DCAF4: variants seen among roughly 807,000 people sequenced by gnomAD.
DCAF4 encodes the protein DDB1 and CUL4 associated factor 4.
DCAF4 carries 37 observed loss-of-function variants against 60.9 expected under a neutral mutation model. That is an observed-to-expected ratio of 0.61 (90% CI 0.47 to 0.80). The LOEUF (loss-of-function observed/expected upper bound fraction) is 0.80. DCAF4 is among the 30% of genes least tolerant of loss of function. The probability of loss-of-function intolerance (pLI) is 0.00; values close to 1 mark genes in which losing one functional copy is unlikely to be tolerated. For missense variants in DCAF4, 577 were observed against 650.0 expected, an observed-to-expected ratio of 0.89 and a Z score of 1.22; for synonymous variants, 243 against 254.8, an observed-to-expected ratio of 0.95 and a Z score of 0.44.
chr14:72,955,131 G>A (rs902754210), intron 11 of DCAF4, among the ~76,000 whole-genome samples: 2 of 149,368 alleles, frequency 1.3e-5, no homozygotes, highest in Non-Finnish European at 3.0e-5. Flanking sequence ...AAAAATTGTG[G>A]TCATTACTAT....
At chr14:72,960,111 TCCTGCCAGTAC>T (rs138104369), downstream of DCAF4, among the ~76,000 whole-genome samples, 33,340 of 151,674 alleles carry the variant, frequency 0.22, 4,248 homozygotes, top group East Asian at 0.48. Flanking sequence ...CTTGAATGTT[TCCTGCCAGTAC>T]CCTGACTAAT....
chr14:72,937,157 AC>A (rs1796669814), intron 1 of DCAF4, among the ~76,000 whole-genome samples: 1 of 152,344 alleles, frequency 6.6e-6, no homozygotes, highest in East Asian at 1.9e-4. Flanking sequence ...TGGAACACTT[AC>A]AAATGAAAAA....
chr14:72,928,236 C>T (rs1229793978), intron 1 of DCAF4, among the ~76,000 whole-genome samples: 1 of 97,244 alleles, frequency 1.0e-5, no homozygotes, highest in Non-Finnish European at 1.9e-5. Flanking sequence ...TATTGTTGCC[C>T]AGGCTGGAGC....
intron 1 of DCAF4, among the ~76,000 whole-genome samples, chr14:72,931,362 G>T (rs1888560941): frequency 1.4e-5 from 2 of 145,620 alleles, no homozygotes; most frequent in Admixed American, 1.4e-4. Flanking sequence ...TTCATATTCA[G>T]GCTGTTCATT....
In DCAF4 at chr14:72,932,071, C is replaced by T. The variant is rs531294788; in HGVS notation, c.-9+5528C>T. Among the ~76,000 whole-genome samples, 5 of 151,624 alleles carry T rather than the reference C, an allele frequency of 3.3e-5. No individual in the cohort carries two copies. The South Asian group carries it at 1.0e-3, about 32-fold the overall frequency. ...TGGCATGATCTCGGCTCACTGCAAC[C>T]TCTGCCTCCCAGGTTCAAGCGATTC... On this transcript the variant is annotated intron_variant, in intron 1 of 13. Transcript: ENST00000358377.
chr14:72,955,350 A>G (rs1247395850), intron 11 of DCAF4, among the ~76,000 whole-genome samples, 173 bp from the exon 12 acceptor site: 2 of 152,030 alleles, frequency 1.3e-5, no homozygotes, highest in South Asian at 2.1e-4. Context: ...AGCCACTAAC[A>G]AGGAATCATC....
At chr14:72,954,286 C>G (rs1304512930) in intron 10 of DCAF4, 24 bp downstream of exon 10, 4 of 1,613,908 alleles carry the variant, frequency 2.5e-6, no homozygotes, top group Non-Finnish European at 3.4e-6. Context: ...CCCAGGTGCC[C>G]AGAGAAGAGG....
chr14:72,929,128 G>A (rs766634930), intron 1 of DCAF4, among the ~76,000 whole-genome samples: 49 of 151,668 alleles, frequency 3.2e-4, no homozygotes, highest in Non-Finnish European at 6.9e-4. Flanking sequence ...CCCCCACCCC[G>A]CCCGGCCTCC....
intron 1 of DCAF4, among the ~76,000 whole-genome samples, chr14:72,934,831 C>T (rs1297344021): frequency 2.0e-5 from 3 of 152,138 alleles, no homozygotes; most frequent in African/African-American, 7.2e-5. Flanking sequence ...ATGGAGTGGG[C>T]GCTTTGTAAA....
chr14:72,950,239 A>C (rs964353646), intron 8 of DCAF4, among the ~76,000 whole-genome samples: 6 of 152,266 alleles, frequency 3.9e-5, no homozygotes, highest in Middle Eastern at 6.8e-3. Context: ...TGCAAGACTA[A>C]GGGCGGTGGT....
intron 9 of DCAF4, 122 bp downstream of exon 9, chr14:72,951,999 C>A: frequency 2.0e-6 from 2 of 1,024,786 alleles, no homozygotes; most frequent in South Asian, 1.4e-5. Context: ...CTAAGCCTGT[C>A]CCAGGGTTAG....
intron 9 of DCAF4, among the ~76,000 whole-genome samples, chr14:72,953,304 T>C (rs1891687066): frequency 6.6e-6 from 1 of 152,106 alleles, no homozygotes; most frequent in Admixed American, 6.5e-5. Flanking sequence ...CTGGCATGGA[T>C]TGTTTTATTT....
intron 1 of DCAF4, among the ~76,000 whole-genome samples, chr14:72,934,078 C>T (rs186093533): frequency 6.6e-6 from 1 of 152,024 alleles, no homozygotes; most frequent in Non-Finnish European, 1.5e-5. Flanking sequence ...CTCATCCCCC[C>T]CATTTCTTGA....
chr14:72,961,894 C>T, downstream of DCAF4: 13 of 1,128,302 alleles, frequency 1.2e-5, no homozygotes, highest in South Asian at 3.4e-4. Flanking sequence ...TGATGTCAAA[C>T]TGGTCAGTGG....
At position 72,956,514 on chromosome 14, in the gene DCAF4, G is replaced by A; in HGVS notation, c.1294+14G>A. On this transcript the variant is annotated intron_variant, in intron 13 of 13. Coordinates refer to ENST00000358377, the MANE Select transcript of DCAF4 (RefSeq NM_015604.4). ...TCCTGGTGGCAGGTACTTGAGGAAG[G>A]AAGGGGAAGTTCCACCCCATCAAAT... is the stretch of plus-strand genomic sequence containing the variant. 6.2e-7 allele frequency: 1 copy of A among 1,602,332 alleles called. No individual in the cohort carries two copies. The highest frequency in any genetic ancestry group is 8.5e-7 in the Non-Finnish European group (1 of 1,174,132).
rs1262919314 is a variant in DCAF4, at chr14:72,941,402, G to A, written c.352-343G>A. ...GTAGGCAATGGAATGTAAAGTTCCAGCCCTGGGTCACCACGGGTGGAATGG... is the reference window on the plus strand; with the variant it reads ...GTAGGCAATGGAATGTAAAGTTCCAACCCTGGGTCACCACGGGTGGAATGG... On this transcript the variant is annotated intron_variant, in intron 4 of 13. Coordinates refer to ENST00000358377, the MANE Select transcript of DCAF4 (RefSeq NM_015604.4). 2.0e-5 allele frequency among the ~76,000 whole-genome samples: 3 copies of A among 152,238 alleles called. No homozygotes were observed. The East Asian group carries it at 5.8e-4, about 29-fold the overall frequency.
chr14:72,937,154 C>G (rs1889383057), intron 1 of DCAF4, among the ~76,000 whole-genome samples: 1 of 152,104 alleles, frequency 6.6e-6, no homozygotes, highest in Non-Finnish European at 1.5e-5. Context: ...AAATGGAACA[C>G]TTACAAATGA....
chr14:72,961,504 G>T (rs758474543), downstream of DCAF4, among the ~76,000 whole-genome samples: 36 of 152,168 alleles, frequency 2.4e-4, 1 homozygote, highest in South Asian at 4.1e-4. Context: ...TTTCCACATG[G>T]GTCAGAGACA....
intron 7 of DCAF4, among the ~76,000 whole-genome samples, chr14:72,946,645 G>T (rs1364697996): frequency 6.6e-6 from 1 of 152,198 alleles, no homozygotes; most frequent in East Asian, 1.9e-4. Context: ...GAGGGGTCCT[G>T]CCCTGTGTGT....
Sources: allele counts gnomAD v4.1 joint callset (sites outside exome capture counted in the v4.1 genomes callset), GRCh38; gene constraint gnomAD v4.1.1; transcripts MANE v1.5; gene names NCBI Gene and HGNC (gene_info 2026-07-23, HGNC 2026-07-21).